The following NTM variants were observed in gnomAD, a reference collection of about 807,000 sequenced individuals.
NTM encodes the protein IgLON family member 2.
In NTM, 13 loss-of-function variants were observed where a neutral mutation model predicts 42.1. The ratio of observed to expected loss-of-function variants is 0.31; its 90% CI spans 0.20 to 0.49. The LOEUF (loss-of-function observed/expected upper bound fraction) is 0.49, where lower values mean the gene tolerates loss of function less well. Among genes scored for constraint, NTM ranks in the 20% least tolerant of loss-of-function variants. The pLI is 0.99. For synonymous variants in NTM, 187 were observed against 179.2 expected, an observed-to-expected ratio of 1.04 and a Z score of -0.35; for missense variants, 373 against 452.8, an observed-to-expected ratio of 0.82 and a Z score of 1.60.
At chr11:131,866,229 G>A (rs753623512) in intron 1 of NTM, among the ~76,000 whole-genome samples, 1 of 152,234 alleles carries the variant, frequency 6.6e-6, no homozygotes. Flanking sequence ...GCGTTGGCAG[G>A]TGCTTCCTTT....
chr11:131,812,512 T>C (rs1354076134), intron 1 of NTM, among the ~76,000 whole-genome samples: 6 of 151,654 alleles, frequency 4.0e-5, no homozygotes, highest in Non-Finnish European at 1.5e-5. Flanking sequence ...TTTCCTTTCC[T>C]CCTCCATACA....
At chr11:131,783,956 G>A (rs67381384) in intron 1 of NTM, among the ~76,000 whole-genome samples, 8,274 of 152,102 alleles carry the variant, frequency 0.054, 304 homozygotes, top group East Asian at 0.098. Context: ...CAAATTATCC[G>A]TTTTTTAAAA....
rs76155645 is a variant in NTM, at chr11:132,287,357, C to T, written c.527-20332C>T. 7.9e-5 allele frequency among the ~76,000 whole-genome samples: 12 copies of T among 152,260 alleles called. No individual in the cohort carries two copies. The South Asian group carries it at 2.1e-3, about 26-fold the overall frequency. On this transcript the variant is annotated intron_variant, in intron 4 of 8. Coordinates refer to ENST00000683400, the MANE Select transcript of NTM (RefSeq NM_001352005.2). ...TGGAAGACACATTGAGCTCAGGACC[C>T]GGATGTTCTGTCTGCGTACGTTTCC...
intron 2 of NTM, among the ~76,000 whole-genome samples, chr11:132,094,529 G>A (rs1295824697): frequency 6.6e-6 from 1 of 152,128 alleles, no homozygotes; most frequent in Non-Finnish European, 1.5e-5. Flanking sequence ...TCTTTAGGAA[G>A]ACCAAAAATG....
chr11:132,118,996 C>T (rs1432936188), intron 2 of NTM, among the ~76,000 whole-genome samples: 2 of 152,138 alleles, frequency 1.3e-5, no homozygotes, highest in Admixed American at 6.5e-5. Context: ...TCCCCCCAGC[C>T]TGCCACATTC....
intron 1 of NTM, among the ~76,000 whole-genome samples, chr11:131,838,895 C>T (rs1365874856): frequency 2.0e-5 from 3 of 151,654 alleles, no homozygotes; most frequent in Non-Finnish European, 4.4e-5. Flanking sequence ...TTCCTGCCCT[C>T]TTTGGGTTTA....
At chr11:131,580,959 G>T (rs1172623624) in intron 1 of NTM, among the ~76,000 whole-genome samples, 7 of 152,186 alleles carry the variant, frequency 4.6e-5, no homozygotes, top group African/African-American at 1.7e-4. Context: ...TAAGAGCTAT[G>T]CTTGGTCAGT....
At chr11:132,276,838 C>T (rs2093744688) in intron 4 of NTM, among the ~76,000 whole-genome samples, 1 of 152,142 alleles carries the variant, frequency 6.6e-6, no homozygotes, top group South Asian at 2.1e-4. Context: ...AAGTCTTACT[C>T]TACCATTGTT....
rs79197215 is a variant in NTM at position 131,991,765 on chromosome 11, C to A, written c.167+80117C>A. 9.6e-3 allele frequency among the ~76,000 whole-genome samples: 1,464 copies of A among 152,222 alleles called. 23 individuals are homozygous for A. The highest frequency in any genetic ancestry group is 0.033 in the African/African-American group (1,379 of 41,534). On this transcript the variant is annotated intron_variant, in intron 2 of 8. Transcript: ENST00000683400. ...TACCCAGATAAAGAAAGGGGGAATG[C>A]ATTCTGGACATGTACCTGCCATTGC...
At chr11:132,101,855 C>A (rs988955229) in intron 2 of NTM, among the ~76,000 whole-genome samples, 3 of 152,212 alleles carry the variant, frequency 2.0e-5, no homozygotes, top group Non-Finnish European at 4.4e-5. Context: ...ACACAGAGGA[C>A]AGGCAGGTTT....
intron 2 of NTM, among the ~76,000 whole-genome samples, chr11:132,134,751 A>G (rs112121236): frequency 6.7e-5 from 6 of 89,022 alleles, no homozygotes; most frequent in African/African-American, 2.6e-4. Context: ...ATATATATAT[A>G]TATATATATC....
At chr11:131,871,359 A>C (rs1026568191) in intron 1 of NTM, among the ~76,000 whole-genome samples, 15 of 152,182 alleles carry the variant, frequency 9.9e-5, no homozygotes, top group African/African-American at 3.6e-4. Flanking sequence ...TTAACATCAC[A>C]AGCTGTCTCA....
chr11:131,795,363 A>T (rs1229383360), intron 1 of NTM: 1 of 982,472 alleles, frequency 1.0e-6, no homozygotes, highest in African/African-American at 1.7e-5. Context: ...TATTGTTATG[A>T]GCTATTTACT....
chr11:131,468,109 TC>T (rs1952068243), intron 1 of NTM, among the ~76,000 whole-genome samples: 1 of 152,184 alleles, frequency 6.6e-6, no homozygotes, highest in South Asian at 2.1e-4. Context: ...TACGGTGGCT[TC>T]CACACTGCAG....
chr11:131,552,499 C>A (rs140056104), intron 1 of NTM, among the ~76,000 whole-genome samples: 2 of 143,896 alleles, frequency 1.4e-5, no homozygotes, highest in East Asian at 4.0e-4. Flanking sequence ...AGCGAGACTC[C>A]GTCTCAAAAA....
chr11:131,966,509 C>T (rs1430756975), intron 2 of NTM, among the ~76,000 whole-genome samples: 1 of 152,080 alleles, frequency 6.6e-6, no homozygotes, highest in Non-Finnish European at 1.5e-5. Flanking sequence ...TTAGGTTAAC[C>T]ATTATGGAGG....
chr11:131,690,737 C>T (rs2074561279), intron 1 of NTM, among the ~76,000 whole-genome samples: 1 of 152,220 alleles, frequency 6.6e-6, no homozygotes, highest in South Asian at 2.1e-4. Context: ...TAAGCGTAGG[C>T]CGTGGCCCAC....
At chr11:131,605,830 A>C in intron 1 of NTM, 1 of 984,628 alleles carries the variant, frequency 1.0e-6, no homozygotes, top group Non-Finnish European at 1.2e-6. Context: ...CCTATTTCTA[A>C]CTGCCTGGAA....
At chr11:131,724,949 G>A (rs2078782243) in intron 1 of NTM, among the ~76,000 whole-genome samples, 1 of 152,174 alleles carries the variant, frequency 6.6e-6, no homozygotes, top group Non-Finnish European at 1.5e-5. Flanking sequence ...GGAGTGAGGG[G>A]CTCCGGATGT....
Sources: gnomAD v4.1 joint callset for allele counts (sites outside exome capture counted in the v4.1 genomes callset) on GRCh38, gnomAD v4.1.1 for gene constraint, MANE v1.5 for transcripts, NCBI Gene and HGNC (gene_info 2026-07-23, HGNC 2026-07-21) for gene names.